Variants in CNTN4 observed in about 807,000 individuals in gnomAD.
CNTN4 encodes the protein contactin 4.
A neutral mutation model predicts 122.5 loss-of-function variants in CNTN4; 77 were observed. The ratio of observed to expected loss-of-function variants is 0.63; its 90% CI spans 0.52 to 0.76. The LOEUF (loss-of-function observed/expected upper bound fraction) is 0.76. Ranked by LOEUF, CNTN4 falls within the 30% of genes least tolerant of loss-of-function variation. The pLI is 0.00. For missense variants in CNTN4, 1,256 were observed against 1,259.1 expected (o/e 1.00, Z 0.04); for synonymous variants, 512 against 447.0 (o/e 1.15, Z -1.83).
intron 13 of CNTN4, among the ~76,000 whole-genome samples, chr3:2,951,335 A>C (rs1232430078): frequency 1.3e-5 from 2 of 152,130 alleles, no homozygotes; most frequent in Non-Finnish European, 2.9e-5. Flanking sequence ...GGGGCATGCA[A>C]CCTCTAGATC....
Position 2,138,873 on chromosome 3 carries a change from A to G in CNTN4, c.-145+38234A>G, listed in dbSNP as rs183066327. Reference sequence around the variant, plus strand: ...TTCTTCTCTCTCTCTCTCTCTGCCTATCTATCCATCTAGTTATCTGGATAT... The same window carrying G: ...TTCTTCTCTCTCTCTCTCTCTGCCTGTCTATCCATCTAGTTATCTGGATAT... On this transcript the variant is annotated intron_variant, in intron 2 of 24. Transcript: ENST00000418658. Among the ~76,000 whole-genome samples, 19 of 152,246 alleles carry G rather than the reference A, an allele frequency of 1.2e-4. No individual in the cohort carries two copies. In the East Asian group the frequency reaches 2.7e-3, roughly 22 times the overall value.
intron 4 of CNTN4, among the ~76,000 whole-genome samples, chr3:2,677,604 TAAAG>T (rs1174993087): frequency 6.6e-6 from 1 of 152,026 alleles, no homozygotes; most frequent in East Asian, 1.9e-4. Flanking sequence ...ACAGTCTTCA[TAAAG>T]AGAGGTTGAA....
At chr3:2,883,428 T>A (rs944183091) in intron 9 of CNTN4, among the ~76,000 whole-genome samples, 181 bp downstream of exon 9, 1 of 152,136 alleles carries the variant, frequency 6.6e-6, no homozygotes, top group Non-Finnish European at 1.5e-5. Flanking sequence ...GGACATGTAA[T>A]GGTGCAAGAA....
intron 2 of CNTN4, among the ~76,000 whole-genome samples, chr3:2,317,412 C>G (rs544253388): frequency 6.6e-6 from 1 of 152,152 alleles, no homozygotes; most frequent in South Asian, 2.1e-4. Context: ...TCAGAAAAAT[C>G]AATAGCTACT....
At position 2,709,470 on chromosome 3, in the gene CNTN4, A is replaced by G. The variant is rs918836167; in HGVS notation, c.56-26745A>G. On this transcript the variant is annotated intron_variant, in intron 4 of 24. Coordinates refer to ENST00000418658, the MANE Select transcript of CNTN4 (RefSeq NM_175607.3). The surrounding 1 kb of genome is among the most constrained non-coding windows in gnomAD (Gnocchi z 5.0). ...TCGTGTGCAATGGGGGATGGGAACT[A>G]CTGAAACCTAATCCCCGCAATTACA... Among the ~76,000 whole-genome samples the G allele has an allele frequency of 6.6e-6, 1 of 152,134 alleles. No homozygotes were observed. The highest frequency in any genetic ancestry group is 1.5e-5 in the Non-Finnish European group (1 of 68,016).
chr3:2,193,493 TAA>T (rs1176513155), intron 2 of CNTN4, among the ~76,000 whole-genome samples: 1 of 152,166 alleles, frequency 6.6e-6, no homozygotes, highest in African/African-American at 2.4e-5. Context: ...GATACTGTAG[TAA>T]AGAGATGTGA....
chr3:2,470,756 G>A lies in CNTN4; in HGVS notation c.-88-100660G>A, dbSNP rs188164365. ...TAAAATTAGACCTGGCCTGCCTCTC[G>A]TTTTAGGAATATAGCATACTTAGAG... is the stretch of plus-strand genomic sequence containing the variant. On this transcript the variant is annotated intron_variant, in intron 3 of 24. Coordinates refer to ENST00000418658, the MANE Select transcript of CNTN4 (RefSeq NM_175607.3). Among the ~76,000 whole-genome samples, 189 of 152,256 alleles carry A rather than the reference G, an allele frequency of 1.2e-3. No homozygotes were observed. In the South Asian group the frequency reaches 0.015, roughly 12 times the overall value.
chr3:2,327,622 T>C (rs1257770913), intron 2 of CNTN4, among the ~76,000 whole-genome samples: 1 of 152,158 alleles, frequency 6.6e-6, no homozygotes, highest in South Asian at 2.1e-4. Context: ...AAAACCATAA[T>C]GCAGATCTCA....
chr3:2,646,161 G>A (rs1015618712), intron 4 of CNTN4, among the ~76,000 whole-genome samples: 1 of 152,076 alleles, frequency 6.6e-6, no homozygotes, highest in Non-Finnish European at 1.5e-5. Context: ...ATTTCACATG[G>A]CATAACATAT....
intron 4 of CNTN4, among the ~76,000 whole-genome samples, chr3:2,631,596 A>T (rs1217350956): frequency 1.3e-5 from 2 of 151,960 alleles, no homozygotes; most frequent in African/African-American, 4.8e-5. Flanking sequence ...ACCAGGTACC[A>T]TATTAAGGGC....
intron 4 of CNTN4, among the ~76,000 whole-genome samples, chr3:2,682,666 T>C (rs748857951): frequency 6.6e-6 from 1 of 152,132 alleles, no homozygotes; most frequent in Non-Finnish European, 1.5e-5. Context: ...TGGAATGGGT[T>C]AATTAAAGAT....
At chr3:2,973,015 A>G (rs1419160592) in intron 13 of CNTN4, among the ~76,000 whole-genome samples, 5 of 152,028 alleles carry the variant, frequency 3.3e-5, no homozygotes, top group East Asian at 3.8e-4. Flanking sequence ...GGACCCATGT[A>G]TCAAGTCCTT....
chr3:2,366,212 GA>G (rs1304049113), intron 3 of CNTN4, among the ~76,000 whole-genome samples: 1 of 152,104 alleles, frequency 6.6e-6, no homozygotes, highest in African/African-American at 2.4e-5. Context: ...TCCAAAAAGT[GA>G]ATTTATACAG....
At chr3:2,435,994 C>G (rs897685835) in intron 3 of CNTN4, among the ~76,000 whole-genome samples, 5 of 152,138 alleles carry the variant, frequency 3.3e-5, no homozygotes, top group African/African-American at 1.2e-4. Flanking sequence ...GTTTATATCT[C>G]TATTAGAGGC....
In CNTN4 at chr3:2,548,096, T is replaced by A. The variant is rs1049689201; in HGVS notation, c.-88-23320T>A. ...TTAGCCCTTTGTCAGATGGATAGAT[T>A]GCAAAAAATTTTCTCCCATTCTGTA... On this transcript the variant is annotated intron_variant, in intron 3 of 24. Transcript: ENST00000418658. Among the ~76,000 whole-genome samples the A allele has an allele frequency of 1.8e-4, 28 of 152,170 alleles. 1 individual carries two copies. Among genetic ancestry groups the A allele is most frequent in the South Asian group, 6.2e-4 (3 of 4,832 alleles).
intron 3 of CNTN4, among the ~76,000 whole-genome samples, chr3:2,353,485 T>C (rs2044729964): frequency 6.6e-6 from 1 of 152,102 alleles, no homozygotes; most frequent in African/African-American, 2.4e-5. Flanking sequence ...TCTTTGGGTC[T>C]GCACTGCCCT....
chr3:2,173,928 G>A (rs62246972), intron 2 of CNTN4, among the ~76,000 whole-genome samples: 27,994 of 152,084 alleles, frequency 0.18, 2,724 homozygotes, highest in South Asian at 0.23. Flanking sequence ...AGCTGTTGTT[G>A]CTATTATCGT....
intron 4 of CNTN4, among the ~76,000 whole-genome samples, chr3:2,651,654 C>T (rs1484028625): frequency 2.0e-5 from 3 of 152,010 alleles, no homozygotes; most frequent in Non-Finnish European, 4.4e-5. Context: ...AGTTTGAAAC[C>T]AGCCTAGGCA....
intron 4 of CNTN4, among the ~76,000 whole-genome samples, chr3:2,733,785 C>T (rs560196081): frequency 3.3e-5 from 5 of 152,148 alleles, no homozygotes; most frequent in African/African-American, 7.2e-5. Flanking sequence ...CCACCCACCT[C>T]GGCCTCCCAA....
Sources: allele counts gnomAD v4.1 joint callset (sites outside exome capture counted in the v4.1 genomes callset), GRCh38; gene constraint gnomAD v4.1.1; non-coding constraint Gnocchi (gnomAD v3.1); transcripts MANE v1.5; gene names NCBI Gene and HGNC (gene_info 2026-07-23, HGNC 2026-07-21).